Variants in RUSC2 observed in about 807,000 individuals in gnomAD.
RUSC2 encodes the protein AP-4 complex accessory subunit RUSC2.
RUSC2 carries 34 observed loss-of-function variants against 122.2 expected under a neutral mutation model. The observed-to-expected ratio is 0.28, with a 90% CI of 0.21 to 0.37. RUSC2 has a LOEUF of 0.37. Ranked by LOEUF, RUSC2 falls within the 10% of genes least tolerant of loss-of-function variation. The pLI is 1.00. For missense variants in RUSC2, 1,747 were observed against 1,952.4 expected, an observed-to-expected ratio of 0.89 and a Z score of 1.98; for synonymous variants, 784 against 790.0, an observed-to-expected ratio of 0.99 and a Z score of 0.13.
chr9:35,511,154 T>C (rs977181194), intron 1 of RUSC2, among the ~76,000 whole-genome samples: 1 of 152,220 alleles, frequency 6.6e-6, no homozygotes, highest in Non-Finnish European at 1.5e-5. Flanking sequence ...AGTGTAACTT[T>C]ATAGCACTGC....
intron 1 of RUSC2, among the ~76,000 whole-genome samples, chr9:35,541,532 C>T (rs566673151): frequency 3.5e-4 from 53 of 151,986 alleles, no homozygotes; most frequent in Admixed American, 1.5e-3. Context: ...CTGCAACCTC[C>T]GCCTCCTGGG....
At chr9:35,553,573 GAGA>G (rs537806396) in intron 2 of RUSC2, among the ~76,000 whole-genome samples, 2 of 152,256 alleles carry the variant, frequency 1.3e-5, no homozygotes, top group Non-Finnish European at 2.9e-5. Flanking sequence ...GACGTAGTCA[GAGA>G]AGGTCTTATT....
At chr9:35,543,415 C>G (rs1334352334) in intron 1 of RUSC2, among the ~76,000 whole-genome samples, 1 of 151,726 alleles carries the variant, frequency 6.6e-6, no homozygotes, top group African/African-American at 2.4e-5. Context: ...GAGTGAGAAC[C>G]TGTCTCAAAA....
intron 1 of RUSC2, among the ~76,000 whole-genome samples, chr9:35,493,357 A>G (rs1416417509): frequency 3.9e-5 from 6 of 152,194 alleles, no homozygotes; most frequent in African/African-American, 1.2e-4. Flanking sequence ...GTGTATATAT[A>G]CCACATTTTC....
At chr9:35,559,335 AG>A in intron 9 of RUSC2, 63 bp downstream of exon 9, 1 of 1,364,460 alleles carries the variant, frequency 7.3e-7, no homozygotes, top group South Asian at 1.2e-5. Context: ...CAAAAGAGGA[AG>A]GAAGAGCTGT....
rs767148687 is a variant in RUSC2 at position 35,560,331 on chromosome 9, G to A, written c.3691G>A (p.Gly1231Ser). The change falls in exon 10 of 12, where the codon GGT (glycine) becomes AGT (serine). Residue 1231 changes from glycine (G) to serine (S), a missense_variant. By Grantham distance (56) the Gly-to-Ser change is moderately conservative (BLOSUM62 0). Coordinates refer to ENST00000361226, the MANE Select transcript of RUSC2 (RefSeq NM_014806.5). ...GGCAGCCCAAGGGGAGCGGGTGAAG[G>A]GTGTGGGTGCCTCAGAAGGTGGAGA... is the stretch of plus-strand genomic sequence containing the variant. ...DRAAQGERVK[G>S]VGASEGGEEE... is the part of the protein sequence containing the mutation. The A allele has an allele frequency of 1.9e-6, 3 of 1,609,192 alleles. No individual in the cohort carries two copies. Among genetic ancestry groups the A allele is most frequent in the African/African-American group, 2.7e-5 (2 of 74,896 alleles).
In RUSC2 at chr9:35,560,423, G is replaced by T. The variant is rs780509290; in HGVS notation, c.3783G>T (p.Arg1261Ser). 1.2e-5 allele frequency: 20 copies of T among 1,614,070 alleles called. No homozygotes were observed. Among genetic ancestry groups the T allele is most frequent in the Non-Finnish European group, 1.7e-5 (20 of 1,180,028 alleles). Residue 1261 changes from arginine to serine, a missense_variant, in exon 10 of 12, where the codon AGG (arginine) becomes AGT (serine). By Grantham distance (110) the Arg-to-Ser change is moderately radical (BLOSUM62 -1). Coordinates refer to ENST00000361226, the MANE Select transcript of RUSC2 (RefSeq NM_014806.5). ...AEAAGGSGRA[R>S]WARGGQAGWW... ...CAGCCGGGGGCTCAGGGCGTGCCAG[G>T]TGGGCCCGAGGTGGGCAGGCCGGCT...
At position 35,494,204 on chromosome 9, in the gene RUSC2, G is replaced by C. The variant is rs62543252; in HGVS notation, c.-93+4032G>C. ...TCCTAGGCTGGGCATGGTGGCTCAC[G>C]CCTGTAATCCCAGCACTTTGGGAGG... On this transcript the variant is annotated intron_variant, in intron 1 of 11. Coordinates refer to ENST00000361226, the MANE Select transcript of RUSC2 (RefSeq NM_014806.5). Among the ~76,000 whole-genome samples the C allele has an allele frequency of 3.0e-3, 457 of 150,844 alleles. 1 individual carries two copies. Among genetic ancestry groups the C allele is most frequent in the Non-Finnish European group, 5.1e-3 (345 of 67,810 alleles).
chr9:35,543,608 A>C (rs990990575), intron 1 of RUSC2, among the ~76,000 whole-genome samples: 2 of 152,182 alleles, frequency 1.3e-5, no homozygotes, highest in Non-Finnish European at 2.9e-5. Flanking sequence ...ATGTTTATTT[A>C]CAAAAATGGT....
At chr9:35,511,716 C>G (rs1393352910) in intron 1 of RUSC2, among the ~76,000 whole-genome samples, 1 of 152,138 alleles carries the variant, frequency 6.6e-6, no homozygotes, top group Admixed American at 6.5e-5. Context: ...CTGTCCTTAG[C>G]ATGCAATCAA....
At position 35,548,278 on chromosome 9, in the gene RUSC2, C is replaced by T; in HGVS notation, c.1757C>T (p.Pro586Leu). 1.2e-6 allele frequency: 2 copies of T among 1,613,998 alleles called. No individual in the cohort carries two copies. The highest frequency in any genetic ancestry group is 2.2e-5 in the East Asian group (1 of 44,874). ...GAAGCCCAGCAAGATCGGGGGGCCC[C>T]ACTGGATGAGGGCACTTGCTGTAGC... is the stretch of plus-strand genomic sequence containing the variant. The part of the protein sequence containing the change: ...IQEAQQDRGA[P>L]LDEGTCCSHS... Residue 586 changes from proline (P) to leucine (L), a missense_variant, in exon 2 of 12, where the codon CCA (proline) becomes CTA (leucine). Coordinates refer to ENST00000361226, the MANE Select transcript of RUSC2 (RefSeq NM_014806.5). The surrounding 1 kb of genome is among the most constrained non-coding windows in gnomAD (Gnocchi z 4.5).
At chr9:35,521,712 TTAAGGAAGCCTAA>T (rs1441968379) in intron 1 of RUSC2, among the ~76,000 whole-genome samples, 1 of 152,236 alleles carries the variant, frequency 6.6e-6, no homozygotes, top group African/African-American at 2.4e-5. Context: ...GGACTCTATA[TTAAGGAAGCCTAA>T]TAAGGCAGCA....
In RUSC2 at chr9:35,548,997, A is replaced by C. The variant is rs1587863629; in HGVS notation, c.2014+462A>C. The C allele has an allele frequency of 1.1e-6, 1 of 903,578 alleles. No homozygotes were observed. The highest frequency in any genetic ancestry group is 1.3e-6 in the Non-Finnish European group (1 of 755,522). 56.0% of individuals were successfully genotyped at this position (903,578 alleles called of 1,614,324 possible). On this transcript the variant is annotated intron_variant, in intron 2 of 11. Transcript: ENST00000361226. The surrounding 1 kb of genome is among the most constrained non-coding windows in gnomAD (Gnocchi z 4.5). ...CACTGAGCTGAGATCATACCACTGC[A>C]CTCCAGCCTGGGCAGACAGAGTGAG...
intron 1 of RUSC2, among the ~76,000 whole-genome samples, chr9:35,540,450 G>A (rs1821619976): frequency 6.6e-6 from 1 of 152,224 alleles, no homozygotes; most frequent in Admixed American, 6.5e-5. Flanking sequence ...GGAGACAGTA[G>A]TGCCATGTTG....
chr9:35,508,609 TTAAGC>T (rs1820959095), intron 1 of RUSC2, among the ~76,000 whole-genome samples: 1 of 152,208 alleles, frequency 6.6e-6, no homozygotes, highest in African/African-American at 2.4e-5. Context: ...GGTATACTCT[TTAAGC>T]TATCCCAAAT....
At chr9:35,505,328 C>T (rs1820893287) in intron 1 of RUSC2, among the ~76,000 whole-genome samples, 1 of 152,140 alleles carries the variant, frequency 6.6e-6, no homozygotes, top group Non-Finnish European at 1.5e-5. Flanking sequence ...TTCTGAGGAA[C>T]TCTTTGTATG....
At chr9:35,535,615 T>A in intron 1 of RUSC2, among the ~76,000 whole-genome samples, 1 of 149,956 alleles carries the variant, frequency 6.7e-6, no homozygotes. Context: ...CTTGGCTCAC[T>A]GCAAGCTCTG....
rs879785630 is a variant in RUSC2, at chr9:35,546,285, A to G, written c.-92-145A>G. 8.5e-6 allele frequency: 3 copies of G among 352,494 alleles called. No homozygotes were observed. The highest frequency in any genetic ancestry group is 4.2e-5 in the African/African-American group (2 of 47,706). The allele number at this position is 352,494 out of a possible 1,614,324, so 21.8% of individuals were successfully genotyped here. On this transcript the variant is annotated intron_variant, in intron 1 of 11. Transcript: ENST00000361226. The surrounding 1 kb of genome is among the most constrained non-coding windows in gnomAD (Gnocchi z 4.3). Reference sequence around the variant, plus strand: ...AGCATGGTTACGTCCCCACCTGCCTATTGGGCTGTGTGGTCAAGCTCCATC... The same window carrying G: ...AGCATGGTTACGTCCCCACCTGCCTGTTGGGCTGTGTGGTCAAGCTCCATC...
At chr9:35,494,386 C>T (rs1399704737) in intron 1 of RUSC2, among the ~76,000 whole-genome samples, 1 of 152,086 alleles carries the variant, frequency 6.6e-6, no homozygotes, top group Admixed American at 6.5e-5. Context: ...ATGGCTTGAA[C>T]CGGGGAGGCT....
Sources: gnomAD v4.1 joint callset for allele counts (sites outside exome capture counted in the v4.1 genomes callset) on GRCh38, gnomAD v4.1.1 for gene constraint, Gnocchi (gnomAD v3.1) non-coding constraint, MANE v1.5 for transcripts, NCBI Gene and HGNC (gene_info 2026-07-23, HGNC 2026-07-21) for gene names.